The following MYO5B variants were observed in gnomAD, a reference collection of about 807,000 sequenced individuals.
MYO5B encodes myosin VB, also known as unconventional myosin-Vb.
In MYO5B, 143 loss-of-function variants were observed where a neutral mutation model predicts 229.3. The ratio of observed to expected loss-of-function variants is 0.62; its 90% CI spans 0.54 to 0.72. The LOEUF (loss-of-function observed/expected upper bound fraction) is 0.72, where lower values mean the gene tolerates loss of function less well. MYO5B is among the 30% of genes least tolerant of loss of function. The pLI is 0.00. For synonymous variants in MYO5B, 918 were observed against 885.2 expected, an observed-to-expected ratio of 1.04 and a Z score of -0.66; for missense variants, 2,321 against 2,331.0, an observed-to-expected ratio of 1.00 and a Z score of 0.09.
At chr18:49,984,106 C>T (rs1166799349) in intron 8 of MYO5B, among the ~76,000 whole-genome samples, 1 of 152,178 alleles carries the variant, frequency 6.6e-6, no homozygotes, top group Admixed American at 6.5e-5. Context: ...AAAGGCTTAC[C>T]TTCTACTTTA....
intron 1 of MYO5B, among the ~76,000 whole-genome samples, chr18:50,135,696 G>A (rs935095153): frequency 3.3e-5 from 5 of 152,218 alleles, no homozygotes; most frequent in African/African-American, 7.2e-5. Context: ...AGACAATTGA[G>A]ATTCCATGCA....
intron 28 of MYO5B, 101 bp downstream of exon 28, chr18:49,864,040 T>C: frequency 6.4e-7 from 1 of 1,550,648 alleles, no homozygotes; most frequent in East Asian, 2.3e-5. Context: ...CTCTGCTCTT[T>C]CAGGTTTTAG....
In MYO5B at chr18:50,194,399, G is replaced by A. The variant is rs369533592; in HGVS notation, c.27+368C>T. The stretch of plus-strand genomic sequence containing the variant: ...CGGGAGCACCGCGGGGGCCCGTCCC[G>A]CGCACGGCGCTCAGAGCTGGCAGGG... On this transcript the variant is annotated intron_variant, in intron 1 of 39. Coordinates refer to ENST00000285039, the MANE Select transcript of MYO5B (RefSeq NM_001080467.3). Among the ~76,000 whole-genome samples, 5 of 152,242 alleles carry A rather than the reference G, an allele frequency of 3.3e-5. No homozygotes were observed. In the East Asian group the frequency reaches 9.7e-4, roughly 30 times the overall value.
At position 49,872,240 on chromosome 18, in the gene MYO5B, G is replaced by A; in HGVS notation, c.3538-8C>T. On this transcript the variant is annotated splice_polypyrimidine_tract_variant and splice_region_variant and intron_variant, in intron 26 of 39. Coordinates refer to ENST00000285039, the MANE Select transcript of MYO5B (RefSeq NM_001080467.3). ...AGTCTGTGGTGGTTCCGCCTGCATG[G>A]ATAGAGACACAAAGATAAGTGCAGA... The A allele has an allele frequency of 6.2e-7, 1 of 1,613,928 alleles. No homozygotes were observed. Among genetic ancestry groups the A allele is most frequent in the Non-Finnish European group, 8.5e-7 (1 of 1,179,806 alleles).
intron 30 of MYO5B, among the ~76,000 whole-genome samples, chr18:49,855,920 T>C (rs570379500): frequency 6.6e-6 from 1 of 152,356 alleles, no homozygotes; most frequent in Admixed American, 6.5e-5. Context: ...CCAGCACTCA[T>C]GCCACCTTGT....
intron 24 of MYO5B, among the ~76,000 whole-genome samples, chr18:49,878,719 C>G (rs969333792): frequency 2.6e-5 from 4 of 152,190 alleles, no homozygotes; most frequent in Non-Finnish European, 5.9e-5. Context: ...GTTCCTTAAA[C>G]TCATAACTGA....
At chr18:49,969,533 G>A (rs755293683) in intron 10 of MYO5B, among the ~76,000 whole-genome samples, 40 of 152,148 alleles carry the variant, frequency 2.6e-4, no homozygotes, top group Admixed American at 3.3e-4. Context: ...ACACTGTGGC[G>A]TGTACTTTCA....
intron 26 of MYO5B, among the ~76,000 whole-genome samples, chr18:49,873,603 G>C (rs1005925033): frequency 6.6e-6 from 1 of 152,216 alleles, no homozygotes. Flanking sequence ...CTGCTGCTCC[G>C]GTGAGAGTTC....
intron 7 of MYO5B, among the ~76,000 whole-genome samples, chr18:49,989,012 G>A (rs189688352): frequency 2.0e-5 from 3 of 152,036 alleles, no homozygotes; most frequent in Admixed American, 6.6e-5. Flanking sequence ...TTACTTCCTG[G>A]GGGGAGCCTC....
chr18:49,830,110 A>T (rs1390243135), intron 39 of MYO5B, among the ~76,000 whole-genome samples: 2 of 151,496 alleles, frequency 1.3e-5, no homozygotes, highest in African/African-American at 4.9e-5. Flanking sequence ...CCTCTTGCAG[A>T]CAACATATCT....
At chr18:49,827,317 T>C (rs1200011336) in intron 39 of MYO5B, among the ~76,000 whole-genome samples, 1 of 152,228 alleles carries the variant, frequency 6.6e-6, no homozygotes, top group Admixed American at 6.5e-5. Flanking sequence ...CTGGAGTAGC[T>C]AGCTGGCCAG....
intron 32 of MYO5B, among the ~76,000 whole-genome samples, chr18:49,848,983 C>T (rs182994818): frequency 6.6e-6 from 1 of 151,826 alleles, no homozygotes; most frequent in East Asian, 1.9e-4. Flanking sequence ...GGCTCCTGAG[C>T]TGAGGGTGGA....
At chr18:50,186,757 G>C (rs1286814654) in intron 1 of MYO5B, among the ~76,000 whole-genome samples, 1 of 152,154 alleles carries the variant, frequency 6.6e-6, no homozygotes, top group East Asian at 1.9e-4. Context: ...CCTTCCCATG[G>C]TGCAGGTACC....
chr18:50,091,937 A>C (rs1198113764), intron 1 of MYO5B, among the ~76,000 whole-genome samples: 1 of 152,202 alleles, frequency 6.6e-6, no homozygotes, highest in Non-Finnish European at 1.5e-5. Context: ...AGTTTGTGAG[A>C]AACAGGGACA....
At chr18:50,021,068 C>T (rs1380703257) in intron 4 of MYO5B, among the ~76,000 whole-genome samples, 1 of 152,174 alleles carries the variant, frequency 6.6e-6, no homozygotes, top group East Asian at 1.9e-4. Context: ...ATGAAATCCA[C>T]ACTGGTTCTG....
At chr18:49,915,792 A>G (rs1165525734) in intron 17 of MYO5B, among the ~76,000 whole-genome samples, 4 of 152,262 alleles carry the variant, frequency 2.6e-5, no homozygotes, top group Non-Finnish European at 5.9e-5. Context: ...AGAGAGCCAG[A>G]GCTGACAAAC....
At chr18:50,193,552 G>C (rs879731573) in intron 1 of MYO5B, among the ~76,000 whole-genome samples, 1 of 152,266 alleles carries the variant, frequency 6.6e-6, no homozygotes, top group South Asian at 2.1e-4. Context: ...GCCAGGTAAG[G>C]ACGCGGAAGT....
At chr18:49,977,908 G>A (rs1381757972) in intron 9 of MYO5B, among the ~76,000 whole-genome samples, 1 of 152,190 alleles carries the variant, frequency 6.6e-6, no homozygotes, top group Non-Finnish European at 1.5e-5. Flanking sequence ...CTTTACAGAA[G>A]AGGAAACAGA....
At chr18:49,880,246 C>T (rs1436704866) in intron 23 of MYO5B, 125 bp downstream of exon 23, 48 of 852,122 alleles carry the variant, frequency 5.6e-5, no homozygotes, top group Non-Finnish European at 6.1e-6. Context: ...TCATCTTCTT[C>T]TATTAAAATC....
Sources: gnomAD v4.1 joint callset for allele counts (sites outside exome capture counted in the v4.1 genomes callset) on GRCh38, gnomAD v4.1.1 for gene constraint, MANE v1.5 for transcripts, NCBI Gene and HGNC (gene_info 2026-07-23, HGNC 2026-07-21) for gene names.